SHISA9: variants seen among roughly 807,000 people sequenced by gnomAD.
SHISA9 encodes the protein shisa family member 9.
SHISA9 carries 13 observed loss-of-function variants against 38.0 expected under a neutral mutation model. That is an observed-to-expected ratio of 0.34 (90% confidence interval 0.22 to 0.54). The LOEUF is 0.54. SHISA9 is among the 20% of genes least tolerant of loss of function. The pLI is 0.91. For synonymous variants in SHISA9, 275 were observed against 242.0 expected, an observed-to-expected ratio of 1.14 and a Z score of -1.27; for missense variants, 538 against 575.8, an observed-to-expected ratio of 0.93 and a Z score of 0.67.
the SHISA9 span, among the ~76,000 whole-genome samples, chr16:13,528,484 G>A: frequency 6.6e-6 from 1 of 151,990 alleles, no homozygotes; most frequent in African/African-American, 2.4e-5. Context: ...AACAAAAATT[G>A]TTTTAAAAAC....
intron 2 of SHISA9, among the ~76,000 whole-genome samples, chr16:12,938,589 C>T (rs1231428480): frequency 6.6e-6 from 1 of 152,036 alleles, no homozygotes; most frequent in Non-Finnish European, 1.5e-5. Context: ...CCTTTGCCTC[C>T]CAGGTTCAAG....
At chr16:13,357,671 G>T in the SHISA9 span, among the ~76,000 whole-genome samples, 1 of 152,172 alleles carries the variant, frequency 6.6e-6, no homozygotes, top group Non-Finnish European at 1.5e-5. Flanking sequence ...AGTCCAAAAA[G>T]AGAGTCAGCG....
At chr16:12,955,928 G>T (rs1411696038) in intron 2 of SHISA9, among the ~76,000 whole-genome samples, 2 of 152,134 alleles carry the variant, frequency 1.3e-5, no homozygotes, top group Non-Finnish European at 2.9e-5. Flanking sequence ...TAATTAAAAA[G>T]TTTTTGCAGA....
the SHISA9 span, among the ~76,000 whole-genome samples, chr16:13,522,627 G>A: frequency 2.6e-5 from 4 of 151,924 alleles, no homozygotes; most frequent in Non-Finnish European, 5.9e-5. Flanking sequence ...CTGATTCTCC[G>A]TCTTTATTAT....
At chr16:13,551,223 C>T in the SHISA9 span, among the ~76,000 whole-genome samples, 3 of 152,154 alleles carry the variant, frequency 2.0e-5, no homozygotes, top group African/African-American at 4.8e-5. Flanking sequence ...CACATACACT[C>T]CTACAAACAC....
chr16:13,054,948 C>T (rs151155941), intron 2 of SHISA9, among the ~76,000 whole-genome samples: 1 of 152,212 alleles, frequency 6.6e-6, no homozygotes, highest in Non-Finnish European at 1.5e-5. Flanking sequence ...CTTCAAATTT[C>T]TACTTATATG....
At chr16:13,212,987 G>GA (rs773543582) in intron 3 of SHISA9, among the ~76,000 whole-genome samples, 119 of 152,186 alleles carry the variant, frequency 7.8e-4, no homozygotes, top group Admixed American at 2.4e-3. Flanking sequence ...TTACGTAACT[G>GA]AAAATATCTC....
In SHISA9 at chr16:13,239,695, T is replaced by C. The variant is rs934938000; in HGVS notation, c.*4286T>C. ...TTGATGGGGTTGTTTGTTTTTTTCT[T>C]GTAAATTTGTTTGAGTTCATTGTAG... On this transcript the variant is annotated 3_prime_UTR_variant, in exon 5 of 5. Coordinates refer to ENST00000558583, the MANE Select transcript of SHISA9 (RefSeq NM_001145204.3). 1 of 152,200 alleles carries C rather than the reference T, an allele frequency of 6.6e-6. No homozygotes were observed. The highest frequency in any genetic ancestry group is 2.4e-5 in the African/African-American group (1 of 41,448). The allele number at this position is 152,200 out of a possible 1,614,324, so 9.4% of individuals were successfully genotyped here.
rs1284807543 is a variant in SHISA9 at position 13,240,197 on chromosome 16, G to A, written c.*4788G>A. 2.6e-5 allele frequency: 4 copies of A among 152,138 alleles called. No individual in the cohort carries two copies. The highest frequency in any genetic ancestry group is 1.5e-5 in the Non-Finnish European group (1 of 68,040). The allele number at this position is 152,138 out of a possible 1,614,324, so 9.4% of individuals were successfully genotyped here. ...CTCTTCCCAGTTTTTTGTGTAAATG[G>A]AGCATATTTTATGTGCGAATATTTT... On this transcript the variant is annotated 3_prime_UTR_variant, in exon 5 of 5. Coordinates refer to ENST00000558583, the MANE Select transcript of SHISA9 (RefSeq NM_001145204.3).
chr16:13,326,921 C>T, the SHISA9 span, among the ~76,000 whole-genome samples: 1 of 152,144 alleles, frequency 6.6e-6, no homozygotes, highest in Non-Finnish European at 1.5e-5. Flanking sequence ...ATCAGTAACT[C>T]AGTGAATCAT....
chr16:13,487,654 T>C, the SHISA9 span, among the ~76,000 whole-genome samples: 2 of 152,364 alleles, frequency 1.3e-5, no homozygotes, highest in Middle Eastern at 3.4e-3. Context: ...ATCCAAACTT[T>C]ATCACTCCAT....
chr16:13,046,680 T>A (rs1046826803), intron 2 of SHISA9, among the ~76,000 whole-genome samples: 5 of 152,184 alleles, frequency 3.3e-5, no homozygotes, highest in African/African-American at 1.2e-4. Context: ...CTAACCATAG[T>A]CCCCTGTATG....
At chr16:13,180,617 G>C (rs1048655576) in intron 2 of SHISA9, among the ~76,000 whole-genome samples, 1 of 152,170 alleles carries the variant, frequency 6.6e-6, no homozygotes, top group Non-Finnish European at 1.5e-5. Context: ...AGGATTGCTT[G>C]AACCCAGGAG....
chr16:13,155,890 G>T (rs1165508427), intron 2 of SHISA9, among the ~76,000 whole-genome samples: 2 of 151,770 alleles, frequency 1.3e-5, no homozygotes, highest in East Asian at 3.9e-4. Context: ...ATGAGGGAAT[G>T]TGCTTGGAAA....
chr16:13,358,591 A>G, the SHISA9 span, among the ~76,000 whole-genome samples: 1 of 152,184 alleles, frequency 6.6e-6, no homozygotes, highest in African/African-American at 2.4e-5. Flanking sequence ...TACATTCTTC[A>G]GGACCCAAAA....
the SHISA9 span, among the ~76,000 whole-genome samples, chr16:13,367,959 G>A: frequency 4.0e-5 from 6 of 151,834 alleles, no homozygotes; most frequent in Non-Finnish European, 8.8e-5. Context: ...ACAATGTGCA[G>A]GTTAGTTACA....
At chr16:13,337,264 G>A in the SHISA9 span, among the ~76,000 whole-genome samples, 1 of 152,250 alleles carries the variant, frequency 6.6e-6, no homozygotes, top group African/African-American at 2.4e-5. Flanking sequence ...ATTGAATCAT[G>A]GGAGCAGTTT....
chr16:12,971,438 C>G (rs932989397), intron 2 of SHISA9, among the ~76,000 whole-genome samples: 2 of 152,180 alleles, frequency 1.3e-5, no homozygotes, highest in Admixed American at 6.5e-5. Context: ...GCTGGCTGCC[C>G]AGTCTTGAAT....
chr16:13,318,627 A>T, the SHISA9 span, among the ~76,000 whole-genome samples: 24 of 152,026 alleles, frequency 1.6e-4, no homozygotes, highest in African/African-American at 5.8e-4. Context: ...GGCCCTCCAG[A>T]CGTTTCTAAA....
Sources: allele counts gnomAD v4.1 joint callset (sites outside exome capture counted in the v4.1 genomes callset), GRCh38; gene constraint gnomAD v4.1.1; transcripts MANE v1.5; gene names NCBI Gene and HGNC (gene_info 2026-07-23, HGNC 2026-07-21).